The following TRAPPC9 variants were observed in gnomAD, a reference collection of about 807,000 sequenced individuals.
TRAPPC9 encodes IKK2 binding protein.
In TRAPPC9, 83 loss-of-function variants were observed where a neutral mutation model predicts 124.0. The ratio of observed to expected loss-of-function variants is 0.67; its 90% confidence interval spans 0.56 to 0.80. The LOEUF (loss-of-function observed/expected upper bound fraction) is 0.80. TRAPPC9 is among the 30% of genes least tolerant of loss of function. TRAPPC9 has a pLI of 0.00. For missense variants in TRAPPC9, 1,302 were observed against 1,508.3 expected (o/e 0.86, Z 2.27); for synonymous variants, 638 against 617.5 (o/e 1.03, Z -0.49).
At chr8:140,136,162 T>C (rs13279842) in intron 17 of TRAPPC9, among the ~76,000 whole-genome samples, 29,029 of 150,836 alleles carry the variant, frequency 0.19, 3,209 homozygotes, top group Admixed American at 0.26. Context: ...AAAAAAAAAA[T>C]AGACAAGGGC....
At chr8:140,340,968 A>T (rs890640116) in intron 9 of TRAPPC9, among the ~76,000 whole-genome samples, 1 of 152,222 alleles carries the variant, frequency 6.6e-6, no homozygotes, top group Non-Finnish European at 1.5e-5. Flanking sequence ...ACAGGTTGAG[A>T]ACAGGTTCTT....
At chr8:140,341,096 T>A (rs183624381) in intron 9 of TRAPPC9, among the ~76,000 whole-genome samples, 1 of 152,224 alleles carries the variant, frequency 6.6e-6, no homozygotes, top group African/African-American at 2.4e-5. Context: ...TAAGCATTTA[T>A]TGAGCCTCTA....
rs141711984 is a variant in TRAPPC9, at chr8:140,035,875, G to A, written c.2557-11796C>T. On this transcript the variant is annotated intron_variant, in intron 17 of 22. Coordinates refer to ENST00000438773, the MANE Select transcript of TRAPPC9 (RefSeq NM_001160372.4). The stretch of plus-strand genomic sequence containing the variant: ...AGAACCCCTGCAGGAGAAACCTGGC[G>A]TCTGGCCACAGCTCCCCCATCAAGC... Among the ~76,000 whole-genome samples, 275 of 152,328 alleles carry A rather than the reference G, an allele frequency of 1.8e-3. 2 individuals carry two copies. The highest frequency in any genetic ancestry group is 6.3e-3 in the African/African-American group (260 of 41,572).
intron 21 of TRAPPC9, among the ~76,000 whole-genome samples, chr8:139,870,088 G>A (rs1405779672): frequency 6.6e-6 from 1 of 152,142 alleles, no homozygotes; most frequent in Non-Finnish European, 1.5e-5. Context: ...GACTACAAGG[G>A]TGGTGCTCAC....
chr8:140,236,822 T>C (rs557526241), intron 16 of TRAPPC9, among the ~76,000 whole-genome samples: 18 of 152,326 alleles, frequency 1.2e-4, no homozygotes, highest in Non-Finnish European at 2.1e-4. Flanking sequence ...AATTAATCTA[T>C]AGATTTGATG....
intron 17 of TRAPPC9, among the ~76,000 whole-genome samples, chr8:140,118,159 G>A (rs764427733): frequency 4.0e-4 from 61 of 152,206 alleles, no homozygotes; most frequent in African/African-American, 1.2e-3. Context: ...TGAGATGCAC[G>A]TGGGTGGCGC....
chr8:140,426,501 A>G (rs2070427777), intron 5 of TRAPPC9, 114 bp downstream of exon 5: 23 of 1,109,666 alleles, frequency 2.1e-5, no homozygotes, highest in Non-Finnish European at 2.9e-5. Context: ...AAAGTTACTT[A>G]AATCAGAATG....
chr8:140,410,141 CAAAAAAAAAAAAA>C lies in TRAPPC9; in HGVS notation c.887-4456_887-4444del, dbSNP rs61149910. On this transcript the variant is annotated intron_variant, in intron 5 of 22. Transcript: ENST00000438773. ...GGGTGAGGGCATGAGACCTTGTCTC[CAAAAAAAAAAAAA>C]AAAAAAAAAAAAAAATAGGAGAGGA... is the stretch of plus-strand genomic sequence containing the variant. 2.6e-3 allele frequency among the ~76,000 whole-genome samples: 181 copies of C among 70,230 alleles called. 2 individuals are homozygous for C. The highest frequency in any genetic ancestry group is 7.8e-3 in the African/African-American group (169 of 21,602). The allele number at this position is 70,230 out of a possible 152,430, so 46.1% of individuals were successfully genotyped here.
chr8:140,272,130 C>CAATGATGGTGGCGATGGTGATGGT, intron 15 of TRAPPC9, among the ~76,000 whole-genome samples: 2 of 100,458 alleles, frequency 2.0e-5, no homozygotes, highest in South Asian at 6.7e-4. Flanking sequence ...GTGATGGTGG[C>CAATGATGGTGGCGATGGTGATGGT]GATGGTGATG....
rs1282993896 is a variant in TRAPPC9, at chr8:139,984,711, G to A, written c.2810+4015C>T. Among the ~76,000 whole-genome samples, 1 of 152,168 alleles carries A rather than the reference G, an allele frequency of 6.6e-6. No individual in the cohort carries two copies. Among genetic ancestry groups the A allele is most frequent in the Non-Finnish European group, 1.5e-5 (1 of 68,036 alleles). On this transcript the variant is annotated intron_variant, in intron 19 of 22. Coordinates refer to ENST00000438773, the MANE Select transcript of TRAPPC9 (RefSeq NM_001160372.4). The surrounding 1 kb of genome is among the most constrained non-coding windows in gnomAD (Gnocchi z 4.3). ...TGTGCATCTGACCCACAGGAGGCCG[G>A]TGAGGCACTGAGAGAGGTTTGGGAA...
chr8:139,809,276 T>C (rs1289210790), intron 21 of TRAPPC9, among the ~76,000 whole-genome samples: 1 of 152,120 alleles, frequency 6.6e-6, no homozygotes, highest in Non-Finnish European at 1.5e-5. Context: ...GATGCAGCAG[T>C]CTGCCCTGAG....
At chr8:139,975,927 CTTTTTTTTT>C (rs528679775) in intron 19 of TRAPPC9, among the ~76,000 whole-genome samples, 2 of 95,566 alleles carry the variant, frequency 2.1e-5, no homozygotes, top group African/African-American at 8.0e-5. Context: ...AAAGGACAGT[CTTTTTTTTT>C]TTTTTTTTTT....
intron 4 of TRAPPC9, among the ~76,000 whole-genome samples, chr8:140,429,435 C>A (rs1191488250): frequency 4.3e-5 from 6 of 137,988 alleles, no homozygotes; most frequent in Non-Finnish European, 9.9e-5. Flanking sequence ...AGCTCCATAA[C>A]CTTGGTCAAG....
chr8:140,092,527 AT>A (rs1003222292), intron 17 of TRAPPC9, among the ~76,000 whole-genome samples: 2 of 152,060 alleles, frequency 1.3e-5, no homozygotes, highest in African/African-American at 4.8e-5. Context: ...AATATATATC[AT>A]TTTGTTTTCC....
At chr8:140,051,527 GC>G (rs77468475) in intron 17 of TRAPPC9, among the ~76,000 whole-genome samples, 68,112 of 149,292 alleles carry the variant, frequency 0.46, 17,650 homozygotes, top group Non-Finnish European at 0.59. Context: ...CAAGAAACAG[GC>G]TTCCTCCTCC....
intron 19 of TRAPPC9, among the ~76,000 whole-genome samples, chr8:139,980,182 C>T (rs934384346): frequency 3.6e-4 from 55 of 152,308 alleles, no homozygotes; most frequent in African/African-American, 1.3e-3. Context: ...TCCCTGCAGC[C>T]GCCCCATAAC....
intron 17 of TRAPPC9, among the ~76,000 whole-genome samples, chr8:140,167,163 G>C (rs1308945120): frequency 1.3e-5 from 2 of 151,168 alleles, no homozygotes; most frequent in Non-Finnish European, 2.9e-5. Flanking sequence ...AAAAAAACTT[G>C]TTAACAATCA....
At chr8:139,974,013 T>C (rs1836275645) in intron 19 of TRAPPC9, among the ~76,000 whole-genome samples, 1 of 152,184 alleles carries the variant, frequency 6.6e-6, no homozygotes, top group Admixed American at 6.5e-5. Context: ...GAGAGCGGCC[T>C]GACGGCTCCA....
intron 17 of TRAPPC9, among the ~76,000 whole-genome samples, chr8:140,124,280 A>G (rs1443002328): frequency 3.9e-5 from 6 of 152,016 alleles, no homozygotes; most frequent in Non-Finnish European, 8.8e-5. Flanking sequence ...AGCCCCTTCC[A>G]GTTTCTGGAG....
Sources: gnomAD v4.1 joint callset for allele counts (sites outside exome capture counted in the v4.1 genomes callset) on GRCh38, gnomAD v4.1.1 for gene constraint, Gnocchi (gnomAD v3.1) non-coding constraint, MANE v1.5 for transcripts, NCBI Gene and HGNC (gene_info 2026-07-23, HGNC 2026-07-21) for gene names.